Variants in GNAQ observed in about 807,000 individuals in gnomAD.
GNAQ encodes guanine nucleotide-binding protein G(q) subunit alpha.
A neutral mutation model predicts 43.9 loss-of-function variants in GNAQ; 8 were observed. The ratio of observed to expected loss-of-function variants is 0.18; its 90% CI spans 0.11 to 0.33. The LOEUF is 0.33. Ranked by LOEUF, GNAQ falls within the 10% of genes least tolerant of loss-of-function variation. The pLI is 1.00. For missense variants in GNAQ, 158 were observed against 450.8 expected, an observed-to-expected ratio of 0.35 and a Z score of 5.88; for synonymous variants, 155 against 170.7, an observed-to-expected ratio of 0.91 and a Z score of 0.71.
chr9:77,990,025 A>C (rs184790415), intron 1 of GNAQ, among the ~76,000 whole-genome samples: 9 of 152,278 alleles, frequency 5.9e-5, no homozygotes, highest in Non-Finnish European at 1.3e-4. Context: ...CATTTTTATT[A>C]AACTTACATC....
chr9:78,019,255 G>T (rs894810412), intron 1 of GNAQ, among the ~76,000 whole-genome samples: 1 of 152,174 alleles, frequency 6.6e-6, no homozygotes, highest in Non-Finnish European at 1.5e-5. Context: ...ATTACTACAA[G>T]AAGTGGTATG....
chr9:78,020,829 G>A (rs1025329906), intron 1 of GNAQ, among the ~76,000 whole-genome samples: 7 of 152,108 alleles, frequency 4.6e-5, no homozygotes, highest in African/African-American at 1.4e-4. Flanking sequence ...CTGCAAATGT[G>A]AGGTCAAGGT....
intron 1 of GNAQ, among the ~76,000 whole-genome samples, chr9:77,925,689 A>T (rs751878780): frequency 2.0e-5 from 3 of 152,176 alleles, no homozygotes; most frequent in Non-Finnish European, 2.9e-5. Flanking sequence ...ACGTAAGAAA[A>T]ATCTGTATGA....
intron 5 of GNAQ, among the ~76,000 whole-genome samples, chr9:77,733,954 C>A (rs1825534415): frequency 6.6e-6 from 1 of 152,196 alleles, no homozygotes; most frequent in South Asian, 2.1e-4. Context: ...AAGGCTGGAT[C>A]CAGTGGACAT....
At chr9:77,855,192 A>T (rs1390594567) in intron 2 of GNAQ, among the ~76,000 whole-genome samples, 1 of 152,224 alleles carries the variant, frequency 6.6e-6, no homozygotes, top group African/African-American at 2.4e-5. Context: ...AAAATTTAGA[A>T]GGGAAACAAG....
At chr9:77,762,104 C>T (rs1364024356) in intron 5 of GNAQ, among the ~76,000 whole-genome samples, 2 of 136,738 alleles carry the variant, frequency 1.5e-5, no homozygotes, top group African/African-American at 5.5e-5. Flanking sequence ...TGGCCAGCCG[C>T]CCCATCCGGG....
At chr9:77,802,609 T>C (rs986157466) in intron 3 of GNAQ, among the ~76,000 whole-genome samples, 2 of 152,126 alleles carry the variant, frequency 1.3e-5, no homozygotes, top group Non-Finnish European at 2.9e-5. Context: ...TCAGAGTTAA[T>C]TATAGCCATA....
intron 2 of GNAQ, among the ~76,000 whole-genome samples, chr9:77,896,521 A>G (rs1828505377): frequency 6.6e-6 from 1 of 152,094 alleles, no homozygotes; most frequent in Non-Finnish European, 1.5e-5. Flanking sequence ...AACTTTTTTT[A>G]TACAACGACA....
chr9:77,746,127 C>A (rs539919325), intron 5 of GNAQ, among the ~76,000 whole-genome samples: 1 of 152,226 alleles, frequency 6.6e-6, no homozygotes, highest in African/African-American at 2.4e-5. Flanking sequence ...TGAGTCTATA[C>A]CCAGCCAAAA....
At chr9:77,726,467 A>T (rs1440529085) in intron 6 of GNAQ, among the ~76,000 whole-genome samples, 1 of 152,192 alleles carries the variant, frequency 6.6e-6, no homozygotes, top group Non-Finnish European at 1.5e-5. Flanking sequence ...ATGAGCCAGG[A>T]CTGTACCACA....
chr9:78,026,633 C>A (rs1430215344), intron 1 of GNAQ, among the ~76,000 whole-genome samples: 3 of 152,136 alleles, frequency 2.0e-5, no homozygotes, highest in African/African-American at 7.2e-5. Flanking sequence ...CTAGATGGCA[C>A]TGACCTCTAG....
At chr9:77,993,680 C>G (rs1364059203) in intron 1 of GNAQ, among the ~76,000 whole-genome samples, 1 of 150,658 alleles carries the variant, frequency 6.6e-6, no homozygotes, top group East Asian at 1.9e-4. Context: ...CCAGCATGGG[C>G]AACAGAGCAA....
chr9:77,805,381 G>C lies in GNAQ; in HGVS notation c.477-7733C>G, dbSNP rs376740401. The stretch of plus-strand genomic sequence containing the variant: ...AAGGATGTGCAGCATTTATTAACAG[G>C]CATTTTGTTCATAAGAAGCTTACTT... On this transcript the variant is annotated intron_variant, in intron 3 of 6. Coordinates refer to ENST00000286548, the MANE Select transcript of GNAQ (RefSeq NM_002072.5). Among the ~76,000 whole-genome samples the C allele has an allele frequency of 2.4e-4, 36 of 152,078 alleles. 3 individuals carry two copies. Among genetic ancestry groups the C allele is most frequent in the African/African-American group, 8.7e-4 (36 of 41,506 alleles).
chr9:77,892,210 G>C (rs1474292100), intron 2 of GNAQ, among the ~76,000 whole-genome samples: 1 of 152,138 alleles, frequency 6.6e-6, no homozygotes, highest in East Asian at 1.9e-4. Flanking sequence ...CTGTCACAGT[G>C]GGGCCTCTCT....
chr9:77,747,346 G>A (rs2118280478), intron 5 of GNAQ, among the ~76,000 whole-genome samples: 1 of 152,234 alleles, frequency 6.6e-6, no homozygotes, highest in East Asian at 1.9e-4. Flanking sequence ...ATGTCACAGA[G>A]AAAACCAGAA....
chr9:77,779,156 C>G lies in GNAQ; in HGVS notation c.735+15307G>C, dbSNP rs112707727. ...CACACATAACAGTCACCAAGACAGA[C>G]CACATTATGGGCCATAAAAGACACC... is the stretch of plus-strand genomic sequence containing the variant. On this transcript the variant is annotated intron_variant, in intron 5 of 6. Coordinates refer to ENST00000286548, the MANE Select transcript of GNAQ (RefSeq NM_002072.5). Among the ~76,000 whole-genome samples the G allele has an allele frequency of 5.6e-3, 852 of 151,962 alleles. 1 individual carries two copies. The highest frequency in any genetic ancestry group is 0.019 in the African/African-American group (805 of 41,518).
intron 1 of GNAQ, among the ~76,000 whole-genome samples, chr9:78,004,267 ACT>A (rs764422093): frequency 5.6e-5 from 8 of 143,992 alleles, no homozygotes; most frequent in Non-Finnish European, 1.2e-4. Context: ...ACAGAGTAAG[ACT>A]CTGTCTCAAA....
chr9:77,784,012 A>C (rs1347317029), intron 5 of GNAQ, among the ~76,000 whole-genome samples: 1 of 152,240 alleles, frequency 6.6e-6, no homozygotes, highest in African/African-American at 2.4e-5. Context: ...ATGGAATTAA[A>C]AGAAGAAATA....
chr9:77,942,213 G>T (rs1476355807), intron 1 of GNAQ, among the ~76,000 whole-genome samples: 1 of 152,176 alleles, frequency 6.6e-6, no homozygotes, highest in Admixed American at 6.5e-5. Flanking sequence ...TGTTCTTTAA[G>T]TCAGAAGATG....
Sources: allele counts gnomAD v4.1 joint callset (sites outside exome capture counted in the v4.1 genomes callset), GRCh38; gene constraint gnomAD v4.1.1; transcripts MANE v1.5; gene names NCBI Gene and HGNC (gene_info 2026-07-23, HGNC 2026-07-21).